PIK3CG: variants seen among roughly 807,000 people sequenced by gnomAD.
The protein encoded by PIK3CG is phosphatidylinositol 4,5-bisphosphate 3-kinase catalytic subunit gamma isoform.
PIK3CG carries 55 observed loss-of-function variants against 102.3 expected under a neutral mutation model. The observed-to-expected ratio is 0.54, with a 90% confidence interval of 0.43 to 0.67. The LOEUF is 0.67. PIK3CG is among the 30% of genes least tolerant of loss of function. PIK3CG has a pLI of 0.00. For missense variants in PIK3CG, 1,258 were observed against 1,391.8 expected, an observed-to-expected ratio of 0.90 and a Z score of 1.53; for synonymous variants, 552 against 540.0, an observed-to-expected ratio of 1.02 and a Z score of -0.31.
chr7:106,891,525 C>T lies in PIK3CG; in HGVS notation c.3030+5233C>T, dbSNP rs992135371. On this transcript the variant is annotated intron_variant, in intron 10 of 10. Transcript: ENST00000496166. This position sits in a 1 kb window ranked among gnomAD's most constrained non-coding sequence, Gnocchi z 4.4. ...AAGAGAACAGGGCATGGAGTATATACACATAGTGTACATTCAATACAGGAC... is the reference window on the plus strand; with the variant it reads ...AAGAGAACAGGGCATGGAGTATATATACATAGTGTACATTCAATACAGGAC... Among the ~76,000 whole-genome samples, 3 of 152,162 alleles carry T rather than the reference C, an allele frequency of 2.0e-5. No homozygotes were observed. The highest frequency in any genetic ancestry group is 7.2e-5 in the African/African-American group (3 of 41,428).
At position 106,868,068 on chromosome 7, in the gene PIK3CG, C is replaced by T. The variant is rs1176924685; in HGVS notation, c.507C>T (p.His169=). Residue 169 remains histidine (H), a synonymous_variant, in exon 2 of 11, where the codon CAC becomes CAT. Transcript: ENST00000496166. The surrounding 1 kb of genome is among the most constrained non-coding windows in gnomAD (Gnocchi z 6.2). ...GYDVTDVSNV[H]DDELEFTRRG... ...ACGTCACTGACGTCAGCAACGTGCACGACGATGAGCTGGAGTTCACGCGCC... is the reference window on the plus strand; with the variant it reads ...ACGTCACTGACGTCAGCAACGTGCATGACGATGAGCTGGAGTTCACGCGCC... 1 of 1,612,938 alleles carries T rather than the reference C, an allele frequency of 6.2e-7. No individual in the cohort carries two copies. Among genetic ancestry groups the T allele is most frequent in the Non-Finnish European group, 8.5e-7 (1 of 1,179,338 alleles).
chr7:106,888,476 A>T (rs1562963152), intron 10 of PIK3CG, among the ~76,000 whole-genome samples: 2 of 152,150 alleles, frequency 1.3e-5, no homozygotes, highest in South Asian at 4.1e-4. Context: ...GTTTCTTCCC[A>T]CTATCGGCAT....
intron 10 of PIK3CG, among the ~76,000 whole-genome samples, chr7:106,889,673 G>A (rs1172564349): frequency 1.3e-5 from 2 of 152,136 alleles, no homozygotes; most frequent in Admixed American, 6.5e-5. Flanking sequence ...TTTGTTAAGG[G>A]TGGGGTGAGC....
In PIK3CG at chr7:106,906,733, A is replaced by G. The variant is rs1372798307; in HGVS notation, c.*1346A>G. ...TTACATAGAAAAAAACTATGTTAAC[A>G]GTGTCTCTGTTTAAGTATAATCAGA... is the stretch of plus-strand genomic sequence containing the variant. On this transcript the variant is annotated 3_prime_UTR_variant, in exon 11 of 11. Coordinates refer to ENST00000496166, the MANE Select transcript of PIK3CG (RefSeq NM_001282426.2). The G allele has an allele frequency of 4.4e-6, 1 of 227,206 alleles. No individual in the cohort carries two copies. The highest frequency in any genetic ancestry group is 6.3e-5 in the East Asian group (1 of 15,750). The allele number at this position is 227,206 out of a possible 1,614,324, so 14.1% of individuals were successfully genotyped here.
rs1232826128 is a variant in PIK3CG, at chr7:106,899,060, C to T, written c.3031-6049C>T. ...TTTCTTAGAGCAGTGTTTTATAATT[C>T]TCATTGTAGAGATCTTTCACCTCCC... On this transcript the variant is annotated intron_variant, in intron 10 of 10. Coordinates refer to ENST00000496166, the MANE Select transcript of PIK3CG (RefSeq NM_001282426.2). The surrounding 1 kb of genome is among the most constrained non-coding windows in gnomAD (Gnocchi z 4.6). 6.6e-6 allele frequency among the ~76,000 whole-genome samples: 1 copy of T among 152,002 alleles called. No individual in the cohort carries two copies. Among genetic ancestry groups the T allele is most frequent in the Non-Finnish European group, 1.5e-5 (1 of 68,014 alleles).
intron 10 of PIK3CG, among the ~76,000 whole-genome samples, chr7:106,889,144 T>C (rs746674771): frequency 7.9e-5 from 12 of 152,022 alleles, no homozygotes; most frequent in Non-Finnish European, 1.3e-4. Flanking sequence ...GTAAGTGGGG[T>C]TCCAACTCCA....
chr7:106,865,302 G>T lies in PIK3CG; in HGVS notation c.-137G>T, dbSNP rs962377258. 5 of 152,148 alleles carry T rather than the reference G, an allele frequency of 3.3e-5. No individual in the cohort carries two copies. Among genetic ancestry groups the T allele is most frequent in the African/African-American group, 1.2e-4 (5 of 41,424 alleles). The allele number at this position is 152,148 out of a possible 1,614,324, so 9.4% of individuals were successfully genotyped here. The stretch of plus-strand genomic sequence containing the variant: ...TAACTGCAACACTTCCTCTGCATCT[G>T]GATATGAAGGGAGCCCCAGAAAAGC... On this transcript the variant is annotated 5_prime_UTR_variant, in exon 1 of 11. Coordinates refer to ENST00000496166, the MANE Select transcript of PIK3CG (RefSeq NM_001282426.2).
chr7:106,884,308 A>G lies in PIK3CG; in HGVS notation c.2872+42A>G. 1 of 1,233,308 alleles carries G rather than the reference A, an allele frequency of 8.1e-7. No individual in the cohort carries two copies. Among genetic ancestry groups the G allele is most frequent in the Non-Finnish European group, 1.2e-6 (1 of 836,360 alleles). 76.4% of individuals were successfully genotyped at this position (1,233,308 alleles called of 1,614,324 possible). A position where few individuals can be genotyped will look rare whatever the true frequency, so the allele number is the denominator to read the frequency against. On this transcript the variant is annotated intron_variant, in intron 9 of 10. Coordinates refer to ENST00000496166, the MANE Select transcript of PIK3CG (RefSeq NM_001282426.2). The surrounding 1 kb of genome is among the most constrained non-coding windows in gnomAD (Gnocchi z 4.2). Reference sequence around the variant, plus strand: ...CAGAATAAACTTTTATTGTGGTAAAATATATATAACATAACATTTACTATT... The same window carrying G: ...CAGAATAAACTTTTATTGTGGTAAAGTATATATAACATAACATTTACTATT...
rs1249525497 is a variant in PIK3CG at position 106,874,858 on chromosome 7, G to A, written c.2391+55G>A. The stretch of plus-strand genomic sequence containing the variant: ...TCTTTATGTCTTGAAGATGTCTAAC[G>A]TGCTTGCTGGGGCCCAGTACTTAAA... On this transcript the variant is annotated intron_variant, in intron 5 of 10. Coordinates refer to ENST00000496166, the MANE Select transcript of PIK3CG (RefSeq NM_001282426.2). This position sits in a 1 kb window ranked among gnomAD's most constrained non-coding sequence, Gnocchi z 4.3. 1.4e-5 allele frequency: 16 copies of A among 1,158,194 alleles called. No individual in the cohort carries two copies. Among genetic ancestry groups the A allele is most frequent in the Admixed American group, 1.9e-5 (1 of 53,870 alleles). The allele number at this position is 1,158,194 out of a possible 1,614,324, so 71.7% of individuals were successfully genotyped here.
At position 106,905,530 on chromosome 7, in the gene PIK3CG, C is replaced by T. The variant is rs1424921111; in HGVS notation, c.*143C>T. The T allele has an allele frequency of 8.3e-6, 6 of 723,288 alleles. No homozygotes were observed. The Admixed American group carries it at 8.6e-5, about 10-fold the overall frequency. The allele number at this position is 723,288 out of a possible 1,614,324, so 44.8% of individuals were successfully genotyped here. A position where few individuals can be genotyped will look rare whatever the true frequency, so the allele number is the denominator to read the frequency against. ...AGCTCTTTTCCTACCTGAACTCTTC[C>T]CTGGAGAAAAGATGTTGGCATTGCT... On this transcript the variant is annotated 3_prime_UTR_variant, in exon 11 of 11. Transcript: ENST00000496166. This position sits in a 1 kb window ranked among gnomAD's most constrained non-coding sequence, Gnocchi z 5.6.
chr7:106,869,984 A>G lies in PIK3CG; in HGVS notation c.1995+428A>G, dbSNP rs966389946. Among the ~76,000 whole-genome samples the G allele has an allele frequency of 2.0e-5, 3 of 152,232 alleles. No individual in the cohort carries two copies. The highest frequency in any genetic ancestry group is 7.2e-5 in the African/African-American group (3 of 41,452). On this transcript the variant is annotated intron_variant, in intron 2 of 10. Coordinates refer to ENST00000496166, the MANE Select transcript of PIK3CG (RefSeq NM_001282426.2). This position sits in a 1 kb window ranked among gnomAD's most constrained non-coding sequence, Gnocchi z 5.3. ...TTTTTACATGAGGAAACTGAGGTAC[A>G]AAGAGGCTAAGTAATGTGCCCAAGG...
chr7:106,867,620 G>GCC lies in PIK3CG; in HGVS notation c.60_61dup (p.Arg21ProfsTer4). On this transcript the variant is annotated frameshift_variant, in exon 2 of 11. Transcript: ENST00000496166. LOFTEE classifies it high-confidence loss of function. The surrounding 1 kb of genome is among the most constrained non-coding windows in gnomAD (Gnocchi z 5.1). ...CTGAGAGAGGACAACTGCCGAAGGC[G>GCC]CCGGAGGATGAAGCCGCGCAGTGCT... The GCC allele has an allele frequency of 6.2e-7, 1 of 1,611,238 alleles. No individual in the cohort carries two copies. Among genetic ancestry groups the GCC allele is most frequent in the South Asian group, 1.1e-5 (1 of 90,898 alleles).
At chr7:106,886,367 C>T (rs559150547) in intron 10 of PIK3CG, 75 bp downstream of exon 10, 5 of 1,490,670 alleles carry the variant, frequency 3.4e-6, no homozygotes, top group East Asian at 4.6e-5. Flanking sequence ...GCAGCCTTCA[C>T]CTCTCACTCA....
In PIK3CG at chr7:106,869,657, G is replaced by A; in HGVS notation, c.1995+101G>A. ...GTTGTCATCAAATGCCCTTTGTTCA[G>A]AGCTTCATCATCGGCAAAAGTAGAT... On this transcript the variant is annotated intron_variant, in intron 2 of 10. Transcript: ENST00000496166. The surrounding 1 kb of genome is among the most constrained non-coding windows in gnomAD (Gnocchi z 5.3). 1.0e-6 allele frequency: 1 copy of A among 982,040 alleles called. No homozygotes were observed. Among genetic ancestry groups the A allele is most frequent in the South Asian group, 1.8e-5 (1 of 56,954 alleles). 60.8% of individuals were successfully genotyped at this position (982,040 alleles called of 1,614,324 possible).
At chr7:106,888,290 T>C (rs992154047) in intron 10 of PIK3CG, among the ~76,000 whole-genome samples, 4 of 152,136 alleles carry the variant, frequency 2.6e-5, no homozygotes, top group Admixed American at 1.3e-4. Flanking sequence ...CAGTAATTTT[T>C]CCTAGAATGA....
rs1219686460 is a variant in PIK3CG, at chr7:106,879,228, C to G, written c.2392-291C>G. On this transcript the variant is annotated intron_variant, in intron 5 of 10. Coordinates refer to ENST00000496166, the MANE Select transcript of PIK3CG (RefSeq NM_001282426.2). The surrounding 1 kb of genome is among the most constrained non-coding windows in gnomAD (Gnocchi z 4.9). Reference sequence around the variant, plus strand: ...TGTGGGAGTGTCAGAGCTCTGTGTGCGTGGGGAGGGTGAGATCTGCCATAC... The same window carrying G: ...TGTGGGAGTGTCAGAGCTCTGTGTGGGTGGGGAGGGTGAGATCTGCCATAC... Among the ~76,000 whole-genome samples, 2 of 151,974 alleles carry G rather than the reference C, an allele frequency of 1.3e-5. No individual in the cohort carries two copies. Among genetic ancestry groups the G allele is most frequent in the Non-Finnish European group, 2.9e-5 (2 of 68,004 alleles).
rs529863729 is a variant in PIK3CG at position 106,868,080 on chromosome 7, G to A, written c.519G>A (p.Leu173=). 1.9e-6 allele frequency: 3 copies of A among 1,612,968 alleles called. No individual in the cohort carries two copies. The highest frequency in any genetic ancestry group is 2.2e-5 in the South Asian group (2 of 91,074). Reference sequence around the variant, plus strand: ...TCAGCAACGTGCACGACGATGAGCTGGAGTTCACGCGCCGTGGCTTGGTGA... The same window carrying A: ...TCAGCAACGTGCACGACGATGAGCTAGAGTTCACGCGCCGTGGCTTGGTGA... ...TDVSNVHDDE[L]EFTRRGLVTP... The change falls in exon 2 of 11, where the codon CTG becomes CTA. Residue 173 remains leucine (L), a synonymous_variant. Coordinates refer to ENST00000496166, the MANE Select transcript of PIK3CG (RefSeq NM_001282426.2). This position sits in a 1 kb window ranked among gnomAD's most constrained non-coding sequence, Gnocchi z 6.2.
Position 106,886,134 on chromosome 7 carries a change from G to A in PIK3CG, c.2873-1G>A, listed in dbSNP as rs1562962311. ...GATGTCAGATACTTTCTTCTCTTAA[G>A]GAAACCTATTTCATATTGACTTCGG... On this transcript the variant is annotated splice_acceptor_variant, in intron 9 of 10. Transcript: ENST00000496166. LOFTEE classifies it high-confidence loss of function. 1 of 1,613,516 alleles carries A rather than the reference G, an allele frequency of 6.2e-7. No individual in the cohort carries two copies.
In PIK3CG at chr7:106,872,803, G is replaced by A. The variant is rs2116487509; in HGVS notation, c.2152G>A (p.Glu718Lys). The change falls in exon 4 of 11, where the codon GAA becomes AAA. Residue 718 changes from glutamate (E) to lysine (K), a missense_variant. Around this residue, in one of 2 missense-constraint regions of PIK3CG, gnomAD observed 426 missense variants for 604.2 expected, o/e 0.71. Transcript: ENST00000496166. The surrounding 1 kb of genome is among the most constrained non-coding windows in gnomAD (Gnocchi z 5.3). ...TCAGCAGAGGTTCGCTGTGATTCTG[G>A]AAGCCTATCTGAGGGGCTGTGGCAC... ...HYQQRFAVIL[E>K]AYLRGCGTAM... is the part of the protein sequence containing the mutation. 1 of 1,614,178 alleles carries A rather than the reference G, an allele frequency of 6.2e-7. No individual in the cohort carries two copies. Among genetic ancestry groups the A allele is most frequent in the Non-Finnish European group, 8.5e-7 (1 of 1,180,016 alleles).
Sources: allele counts gnomAD v4.1 joint callset (sites outside exome capture counted in the v4.1 genomes callset), GRCh38; gene constraint gnomAD v4.1.1; regional missense constraint gnomAD v4.1.1; non-coding constraint Gnocchi (gnomAD v3.1); transcripts MANE v1.5; gene names NCBI Gene and HGNC (gene_info 2026-07-23, HGNC 2026-07-21).